The following DAGLA variants were observed in gnomAD, a reference collection of about 807,000 sequenced individuals.
DAGLA encodes the protein diacylglycerol lipase-alpha.
DAGLA carries 22 observed loss-of-function variants against 102.6 expected under a neutral mutation model. The ratio of observed to expected loss-of-function variants is 0.21; its 90% CI spans 0.15 to 0.31. DAGLA has a LOEUF of 0.31. Ranked by LOEUF, DAGLA falls within the 10% of genes least tolerant of loss-of-function variation. The pLI, the probability that DAGLA is intolerant of heterozygous loss-of-function variation, is 1.00. For missense variants in DAGLA, 927 were observed against 1,446.6 expected, an observed-to-expected ratio of 0.64 and a Z score of 5.83; for synonymous variants, 578 against 628.9, an observed-to-expected ratio of 0.92 and a Z score of 1.21.
intron 1 of DAGLA, among the ~76,000 whole-genome samples, chr11:61,704,450 T>TAGG (rs1231447483): frequency 6.6e-6 from 1 of 152,202 alleles, no homozygotes; most frequent in Non-Finnish European, 1.5e-5. Flanking sequence ...GGCCAGCTCT[T>TAGG]ACGCAGAAAG....
At chr11:61,713,064 C>G (rs1271972215) in intron 1 of DAGLA, among the ~76,000 whole-genome samples, 3 of 152,192 alleles carry the variant, frequency 2.0e-5, no homozygotes, top group African/African-American at 4.8e-5. Context: ...GTGCCTTGCT[C>G]TCTCCCGACT....
chr11:61,684,481 TG>T lies in DAGLA; in HGVS notation c.-45+3980del, dbSNP rs2135545417. 6.6e-6 allele frequency among the ~76,000 whole-genome samples: 1 copy of T among 152,018 alleles called. No individual in the cohort carries two copies. Among genetic ancestry groups the T allele is most frequent in the South Asian group, 2.1e-4 (1 of 4,806 alleles). ...GGAAGCGTGAGTGTGGGTGTGGACG[TG>T]GGTTGTGTGTGTGGGCAGGAAAGAC... On this transcript the variant is annotated intron_variant, in intron 1 of 19. Coordinates refer to ENST00000257215, the MANE Select transcript of DAGLA (RefSeq NM_006133.3). This position sits in a 1 kb window ranked among gnomAD's most constrained non-coding sequence, Gnocchi z 4.5.
chr11:61,720,701 C>T lies in DAGLA; in HGVS notation c.118C>T (p.Leu40Phe), dbSNP rs1373594098. 2 of 1,613,874 alleles carry T rather than the reference C, an allele frequency of 1.2e-6. No homozygotes were observed. Among genetic ancestry groups the T allele is most frequent in the Non-Finnish European group, 1.7e-6 (2 of 1,180,036 alleles). The change falls in exon 3 of 20, where the codon CTC becomes TTC. Residue 40 changes from leucine to phenylalanine, a missense_variant. By Grantham distance (22) the Leu-to-Phe change is conservative. This residue lies in a region of DAGLA where 231 missense variants were observed against 439.8 expected (regional missense o/e 0.53). Coordinates refer to ENST00000257215, the MANE Select transcript of DAGLA (RefSeq NM_006133.3). ...CAGGTTTGTGATCCTGTCCGTGGTG[C>T]TCTTCGGCCTGGTCTATAACCCGCA... ...TTWFVILSVVLFGLVYNPHEA... is the reference protein window; with the variant it reads ...TTWFVILSVVFFGLVYNPHEA...
chr11:61,688,182 G>T (rs993686681), intron 1 of DAGLA, among the ~76,000 whole-genome samples: 2 of 152,080 alleles, frequency 1.3e-5, no homozygotes, highest in Admixed American at 1.3e-4. Context: ...GGGCATGGTG[G>T]TGGGTGCCTG....
intron 8 of DAGLA, among the ~76,000 whole-genome samples, chr11:61,729,600 G>A (rs938872587): frequency 2.0e-5 from 3 of 152,156 alleles, no homozygotes; most frequent in East Asian, 3.9e-4. Flanking sequence ...GATGCCTGTC[G>A]CTGCGACCTC....
chr11:61,683,650 C>A (rs1340648002), intron 1 of DAGLA, among the ~76,000 whole-genome samples: 3 of 152,096 alleles, frequency 2.0e-5, no homozygotes, highest in Admixed American at 1.3e-4. Context: ...GCTTGGGATG[C>A]TGGGACTGCC....
chr11:61,720,613 C>T (rs1278094368), intron 2 of DAGLA, 66 bp from the exon 3 acceptor site: 1 of 1,487,742 alleles, frequency 6.7e-7, no homozygotes, highest in Non-Finnish European at 9.3e-7. Context: ...GAAGGGCCTG[C>T]CTGCTAGTAG....
Position 61,739,620 on chromosome 11 carries a change from C to T in DAGLA, c.1812C>T (p.Arg604=). Residue 604 remains arginine (R), a synonymous_variant, in exon 17 of 20, where the codon CGC becomes CGT. Transcript: ENST00000257215. ...GCACTCCACTCTACCCGCCCGGCCG[C>T]ATCATCCACGTGGTCCACAACCACC... ...SASTPLYPPG[R]IIHVVHNHPA... is the part of the protein sequence containing the mutation. The T allele has an allele frequency of 6.2e-7, 1 of 1,614,142 alleles. No homozygotes were observed. The highest frequency in any genetic ancestry group is 8.5e-7 in the Non-Finnish European group (1 of 1,180,036).
rs73485404 is a variant in DAGLA at position 61,692,837 on chromosome 11, C to T, written c.-45+12333C>T. Among the ~76,000 whole-genome samples, 1,057 of 150,400 alleles carry T rather than the reference C, an allele frequency of 7.0e-3. 13 individuals are homozygous for T. The highest frequency in any genetic ancestry group is 0.025 in the African/African-American group (1,019 of 40,834). On this transcript the variant is annotated intron_variant, in intron 1 of 19. Coordinates refer to ENST00000257215, the MANE Select transcript of DAGLA (RefSeq NM_006133.3). The stretch of plus-strand genomic sequence containing the variant: ...ACTCCACAATAATGAGGAAAGATGG[C>T]GGTAGGAAAATGTTTAAGGAGAAGT...
rs1214767199 is a variant in DAGLA at position 61,735,630 on chromosome 11, ACC to A, written c.1200_1201del (p.Leu401ValfsTer8). 6.2e-7 allele frequency: 1 copy of A among 1,613,794 alleles called. No individual in the cohort carries two copies. The highest frequency in any genetic ancestry group is 1.7e-5 in the Admixed American group (1 of 59,992). ...GAAAGTGGTGATCAGTATCCGGGGG[ACC>A]CTGTCCCCCAAGGTACGCTGCCCAT... Reference protein sequence around the residue: ...KKKVVISIRGTLSPKDALTDL... With the variant: ...KKKVVISIRGXLSPKDALTDL... On this transcript the variant is annotated frameshift_variant, in exon 11 of 20. Transcript: ENST00000257215. LOFTEE classifies it high-confidence loss of function.
At chr11:61,725,418 G>T (rs1324781879) in intron 5 of DAGLA, among the ~76,000 whole-genome samples, 3 of 152,144 alleles carry the variant, frequency 2.0e-5, no homozygotes, top group African/African-American at 7.2e-5. Context: ...CCCTACCTAG[G>T]TATCAGATCC....
intron 3 of DAGLA, among the ~76,000 whole-genome samples, chr11:61,722,628 G>C (rs2065293349): frequency 6.6e-6 from 1 of 152,178 alleles, no homozygotes; most frequent in Non-Finnish European, 1.5e-5. Context: ...TAGGAGAGGT[G>C]GTGGGCACAT....
intron 1 of DAGLA, among the ~76,000 whole-genome samples, chr11:61,707,560 T>G (rs978441277): frequency 2.6e-5 from 4 of 151,970 alleles, no homozygotes; most frequent in Admixed American, 6.5e-5. Context: ...ATGGAGGAGG[T>G]GAGGCAGACA....
At chr11:61,701,168 C>A (rs917788841) in intron 1 of DAGLA, among the ~76,000 whole-genome samples, 1 of 152,214 alleles carries the variant, frequency 6.6e-6, no homozygotes, top group South Asian at 2.1e-4. Context: ...CTGCAGTAAA[C>A]AGAAGTGCTA....
chr11:61,737,916 A>G (rs1426191371), intron 15 of DAGLA, among the ~76,000 whole-genome samples, 161 bp downstream of exon 15: 7 of 148,988 alleles, frequency 4.7e-5, no homozygotes, highest in Admixed American at 4.7e-4. Flanking sequence ...TGAGAAGCCC[A>G]GGTGAACGCA....
At chr11:61,688,640 A>G in intron 1 of DAGLA, among the ~76,000 whole-genome samples, 1 of 152,178 alleles carries the variant, frequency 6.6e-6, no homozygotes, top group East Asian at 1.9e-4. Context: ...GTGGAAGTGC[A>G]GGGGGCCCGT....
intron 1 of DAGLA, among the ~76,000 whole-genome samples, chr11:61,698,283 G>A (rs532252158): frequency 2.6e-4 from 40 of 152,350 alleles, no homozygotes; most frequent in Non-Finnish European, 5.3e-4. Flanking sequence ...TGAGCTGCAG[G>A]CTCCCATCTG....
At position 61,682,852 on chromosome 11, in the gene DAGLA, G is replaced by C. The variant is rs565420036; in HGVS notation, c.-45+2348G>C. 6.7e-5 allele frequency among the ~76,000 whole-genome samples: 7 copies of C among 104,424 alleles called. No individual in the cohort carries two copies. The East Asian group carries it at 2.7e-3, about 40-fold the overall frequency. The allele number at this position is 104,424 out of a possible 152,430, so 68.5% of individuals were successfully genotyped here. On this transcript the variant is annotated intron_variant, in intron 1 of 19. Transcript: ENST00000257215. ...GGTTGAGGCTGGATGGCAGGGGGACGGGGGGGGGAGGTGTGGAGGATGCCC... is the reference window on the plus strand; with the variant it reads ...GGTTGAGGCTGGATGGCAGGGGGACCGGGGGGGGAGGTGTGGAGGATGCCC...
chr11:61,687,557 G>C (rs981432325), intron 1 of DAGLA, among the ~76,000 whole-genome samples: 16 of 152,276 alleles, frequency 1.1e-4, no homozygotes, highest in African/African-American at 3.6e-4. Flanking sequence ...TTGAACTCCT[G>C]ACCTCAGGTG....
Sources: allele counts gnomAD v4.1 joint callset (sites outside exome capture counted in the v4.1 genomes callset), GRCh38; gene constraint gnomAD v4.1.1; regional missense constraint gnomAD v4.1.1; non-coding constraint Gnocchi (gnomAD v3.1); transcripts MANE v1.5; gene names NCBI Gene and HGNC (gene_info 2026-07-23, HGNC 2026-07-21).